CSMD1: variants seen among roughly 807,000 people sequenced by gnomAD.
CSMD1 encodes CUB and sushi domain-containing protein 1.
Under a neutral mutation model 417.5 loss-of-function variants are expected in CSMD1, and 213 were observed. The observed-to-expected ratio is 0.51, with a 90% CI of 0.46 to 0.57. The LOEUF (loss-of-function observed/expected upper bound fraction) is 0.57, where lower values mean the gene tolerates loss of function less well. CSMD1 is among the 20% of genes least tolerant of loss of function. The pLI, the probability that CSMD1 is intolerant of heterozygous loss-of-function variation, is 0.00. For missense variants in CSMD1, 6,923 were observed against 4,529.7 expected, an observed-to-expected ratio of 1.53 and a Z score of -15.17; for synonymous variants, 2,862 against 1,736.8, an observed-to-expected ratio of 1.65 and a Z score of -16.11.
rs182764826 is a variant in CSMD1 at position 3,211,583 on chromosome 8, C to G, written c.4867+2914G>C. 1.5e-3 allele frequency among the ~76,000 whole-genome samples: 224 copies of G among 152,326 alleles called. 1 individual carries two copies. The highest frequency in any genetic ancestry group is 5.3e-3 in the African/African-American group (220 of 41,572). On this transcript the variant is annotated intron_variant, in intron 30 of 69. Transcript: ENST00000635120. ...TTACTAGTTTTGGGGAGCCTTATGC[C>G]TGTGGAATTTATCCTCCTAACACTT...
chr8:4,832,856 T>A (rs1204649457), intron 1 of CSMD1, among the ~76,000 whole-genome samples: 1 of 152,140 alleles, frequency 6.6e-6, no homozygotes, highest in Non-Finnish European at 1.5e-5. Context: ...TGCATGTGTG[T>A]GAGGGCGTAT....
intron 10 of CSMD1, among the ~76,000 whole-genome samples, chr8:3,555,465 G>C (rs1799103998): frequency 6.6e-6 from 1 of 152,192 alleles, no homozygotes; most frequent in South Asian, 2.1e-4. Context: ...AGGTCAGAAG[G>C]TGGAGGTGAA....
At chr8:3,780,295 C>A (rs944783964) in intron 5 of CSMD1, among the ~76,000 whole-genome samples, 1 of 152,160 alleles carries the variant, frequency 6.6e-6, no homozygotes, top group African/African-American at 2.4e-5. Flanking sequence ...GCAATTAGTT[C>A]GTATTCCGCA....
At chr8:3,811,042 G>A (rs1801043733) in intron 5 of CSMD1, among the ~76,000 whole-genome samples, 1 of 152,162 alleles carries the variant, frequency 6.6e-6, no homozygotes, top group Non-Finnish European at 1.5e-5. Flanking sequence ...ACTGGCAGGG[G>A]ATGAATCTTG....
chr8:4,037,973 G>C (rs112722322), intron 3 of CSMD1, among the ~76,000 whole-genome samples: 4 of 152,034 alleles, frequency 2.6e-5, no homozygotes, highest in African/African-American at 9.7e-5. Context: ...TAGAAACAAT[G>C]AATCAAAAAA....
intron 7 of CSMD1, among the ~76,000 whole-genome samples, chr8:3,707,918 CAA>C (rs1054724682): frequency 1.3e-4 from 20 of 152,094 alleles, no homozygotes; most frequent in African/African-American, 4.6e-4. Flanking sequence ...TGGGCACGTG[CAA>C]AAGTCATCAG....
At chr8:4,213,267 G>A (rs1003527399) in intron 3 of CSMD1, among the ~76,000 whole-genome samples, 1 of 152,200 alleles carries the variant, frequency 6.6e-6, no homozygotes, top group Admixed American at 6.5e-5. Context: ...AAGTGAGGCG[G>A]GGTCCTGTCA....
intron 2 of CSMD1, among the ~76,000 whole-genome samples, chr8:4,636,466 C>T (rs1802816055): frequency 6.6e-6 from 1 of 152,096 alleles, no homozygotes; most frequent in Non-Finnish European, 1.5e-5. Flanking sequence ...AATGTTGTTC[C>T]CTCACCCACC....
rs183102479 is a variant in CSMD1 at position 3,722,481 on chromosome 8, C to G, written c.932-13990G>C. Among the ~76,000 whole-genome samples, 215 of 152,210 alleles carry G rather than the reference C, an allele frequency of 1.4e-3. 1 individual carries two copies. The highest frequency in any genetic ancestry group is 4.8e-3 in the African/African-American group (200 of 41,548). ...GCCCCAACCTCAGACAGATCTGAAA[C>G]CATTCTCTCCTGAAAAGCAGGGTCT... On this transcript the variant is annotated intron_variant, in intron 6 of 69. Transcript: ENST00000635120.
At chr8:3,737,196 T>C (rs1364397515) in intron 6 of CSMD1, among the ~76,000 whole-genome samples, 1 of 151,268 alleles carries the variant, frequency 6.6e-6, no homozygotes, top group Non-Finnish European at 1.5e-5. Flanking sequence ...TCACAAACAA[T>C]GACTATCGGG....
intron 5 of CSMD1, among the ~76,000 whole-genome samples, chr8:3,772,249 A>ATACATATATTTAGACATACATACG (rs1798619373): frequency 1.2e-5 from 1 of 80,250 alleles, no homozygotes; most frequent in African/African-American, 4.1e-5. Flanking sequence ...ATATAGATAT[A>ATACATATATTTAGACATACATACG]TACATATATT....
At chr8:3,420,717 C>T (rs890875819) in intron 12 of CSMD1, among the ~76,000 whole-genome samples, 4 of 152,238 alleles carry the variant, frequency 2.6e-5, no homozygotes, top group Non-Finnish European at 4.4e-5. Flanking sequence ...ACCTTTGTCA[C>T]GCTTGCAATG....
chr8:3,957,568 C>G (rs530971931), intron 5 of CSMD1, among the ~76,000 whole-genome samples: 5 of 151,988 alleles, frequency 3.3e-5, no homozygotes, highest in African/African-American at 1.2e-4. Flanking sequence ...CTTGTAGTCC[C>G]AGCTACTCAG....
intron 50 of CSMD1, among the ~76,000 whole-genome samples, chr8:3,039,586 A>G (rs373383560): frequency 2.4e-4 from 37 of 151,250 alleles, no homozygotes; most frequent in African/African-American, 9.0e-4. Flanking sequence ...CATTATGACA[A>G]TAAACTTCCA....
intron 2 of CSMD1, among the ~76,000 whole-genome samples, chr8:4,540,288 A>C (rs565567905): frequency 6.6e-6 from 1 of 152,184 alleles, no homozygotes; most frequent in East Asian, 1.9e-4. Flanking sequence ...GCCCATAAAC[A>C]TCTCACCAAA....
intron 3 of CSMD1, among the ~76,000 whole-genome samples, chr8:4,107,340 A>G (rs1277977210): frequency 6.6e-6 from 1 of 152,216 alleles, no homozygotes; most frequent in Non-Finnish European, 1.5e-5. Flanking sequence ...ATTCAGGAAT[A>G]AAGCTCCTTA....
At chr8:4,163,620 G>C (rs1352076220) in intron 3 of CSMD1, among the ~76,000 whole-genome samples, 1 of 152,056 alleles carries the variant, frequency 6.6e-6, no homozygotes, top group African/African-American at 2.4e-5. Flanking sequence ...TCAAAACTCT[G>C]TTGACTATCT....
chr8:4,256,056 C>T (rs1006961268), intron 3 of CSMD1, among the ~76,000 whole-genome samples: 2 of 152,190 alleles, frequency 1.3e-5, no homozygotes, highest in Non-Finnish European at 2.9e-5. Context: ...GCAACGATTG[C>T]ATATTTCCTG....
intron 5 of CSMD1, among the ~76,000 whole-genome samples, chr8:3,975,087 T>A (rs1486515622): frequency 6.6e-6 from 1 of 152,172 alleles, no homozygotes; most frequent in East Asian, 1.9e-4. Context: ...TTTCTTAACG[T>A]TAAAAACTAG....
Sources: allele counts gnomAD v4.1 joint callset (sites outside exome capture counted in the v4.1 genomes callset), GRCh38; gene constraint gnomAD v4.1.1; transcripts MANE v1.5; gene names NCBI Gene and HGNC (gene_info 2026-07-23, HGNC 2026-07-21).